Variants in CYP4F3 observed in about 807,000 individuals in gnomAD.
CYP4F3 encodes cytochrome P450 4F3.
A neutral mutation model predicts 54.8 loss-of-function variants in CYP4F3; 50 were observed. That is an observed-to-expected ratio of 0.91 (90% confidence interval 0.73 to 1.16). The LOEUF (loss-of-function observed/expected upper bound fraction) is 1.16, where lower values mean the gene tolerates loss of function less well. Among genes scored for constraint, CYP4F3 ranks in the 50% most tolerant of loss-of-function variants. CYP4F3 has a pLI of 0.00. For missense variants in CYP4F3, 715 were observed against 676.2 expected (o/e 1.06, Z -0.64); for synonymous variants, 244 against 262.6 (o/e 0.93, Z 0.69).
intron 9 of CYP4F3, among the ~76,000 whole-genome samples, chr19:15,655,265 T>C (rs147485253): frequency 2.2e-3 from 336 of 152,358 alleles, no homozygotes; most frequent in African/African-American, 7.1e-3. Context: ...TTATGTATTC[T>C]GGTTATTAAT....
Position 15,659,395 on chromosome 19 carries a change from A to C in CYP4F3, c.*10A>C. Reference sequence around the variant, plus strand: ...GGAGCCCCTGAGCTGAGTTCTGCAGAGACCCACTCTGACCCCACTAAAATG... The same window carrying C: ...GGAGCCCCTGAGCTGAGTTCTGCAGCGACCCACTCTGACCCCACTAAAATG... On this transcript the variant is annotated 3_prime_UTR_variant, in exon 13 of 13. Coordinates refer to ENST00000221307, the MANE Select transcript of CYP4F3 (RefSeq NM_000896.3). 1.2e-6 allele frequency: 2 copies of C among 1,609,432 alleles called. No individual in the cohort carries two copies. The highest frequency in any genetic ancestry group is 8.5e-7 in the Non-Finnish European group (1 of 1,177,614).
intron 9 of CYP4F3, among the ~76,000 whole-genome samples, chr19:15,654,067 AGGCTCAAGCCAG>A (rs1972948782): frequency 6.8e-6 from 1 of 146,800 alleles, no homozygotes; most frequent in East Asian, 2.0e-4. Context: ...GGACATTCTG[AGGCTCAAGCCAG>A]GCCAGGGGCT....
chr19:15,650,854 CTTTCTTTCTTTCTTTT>C (rs1249374608), intron 7 of CYP4F3, among the ~76,000 whole-genome samples: 1 of 40,040 alleles, frequency 2.5e-5, no homozygotes, highest in African/African-American at 9.2e-5. Context: ...TTCTTTCTTT[CTTTCTTTCTTTCTTTT>C]TCTCTCTCTC....
intron 1 of CYP4F3, 89 bp from the exon 2 acceptor site, chr19:15,641,326 C>A: frequency 6.7e-7 from 1 of 1,487,616 alleles, no homozygotes; most frequent in Non-Finnish European, 9.2e-7. Context: ...CCAGCACTGC[C>A]CGTCTCTGCC....
At chr19:15,652,462 A>G in intron 7 of CYP4F3, 107 bp from the exon 8 acceptor site, 7 of 1,547,632 alleles carry the variant, frequency 4.5e-6, no homozygotes, top group Non-Finnish European at 6.2e-6. Context: ...GGGTTTCTCG[A>G]AAGAGGATGA....
intron 7 of CYP4F3, 39 bp downstream of exon 7, chr19:15,650,222 G>A: frequency 1.2e-6 from 2 of 1,614,140 alleles, no homozygotes; most frequent in Non-Finnish European, 1.7e-6. Flanking sequence ...AAGTAGAAGG[G>A]AGCTTCATGT....
chr19:15,641,189 T>C, intron 1 of CYP4F3: 1 of 561,866 alleles, frequency 1.8e-6, no homozygotes, highest in Non-Finnish European at 3.2e-6. Flanking sequence ...AGTTTCTCTG[T>C]CTTTCTCAAT....
intron 9 of CYP4F3, among the ~76,000 whole-genome samples, chr19:15,656,565 C>T (rs1434293186): frequency 6.7e-6 from 1 of 149,368 alleles, no homozygotes; most frequent in Non-Finnish European, 1.5e-5. Context: ...ATCTATCTAT[C>T]ATCTATCAAT....
rs1243554274 is a variant in CYP4F3 at position 15,652,562 on chromosome 19, T to C, written c.919-7T>C. 1.4e-5 allele frequency: 22 copies of C among 1,613,860 alleles called. No individual in the cohort carries two copies. Among genetic ancestry groups the C allele is most frequent in the Non-Finnish European group, 1.6e-5 (19 of 1,179,986 alleles). On this transcript the variant is annotated splice_region_variant and splice_polypyrimidine_tract_variant and intron_variant, in intron 7 of 12. Coordinates refer to ENST00000221307, the MANE Select transcript of CYP4F3 (RefSeq NM_000896.3). ...GTGGGGGTGGGGGGTTATTGCCTTCTCTCCAGGATGAAGATGGGAAGAAGT... is the reference window on the plus strand; with the variant it reads ...GTGGGGGTGGGGGGTTATTGCCTTCCCTCCAGGATGAAGATGGGAAGAAGT...
At position 15,661,100 on chromosome 19, in the gene CYP4F3, T is replaced by G. The variant is rs1217886177; in HGVS notation, c.*1715T>G. On this transcript the variant is annotated 3_prime_UTR_variant, in exon 13 of 13. Transcript: ENST00000221307. ...TGAGAACTTAGGCTCCCCTCTCTAC[T>G]AAAATACAAAAGTTAGCTGGTCATG... The G allele has an allele frequency of 6.6e-6, 1 of 150,902 alleles. No individual in the cohort carries two copies. The highest frequency in any genetic ancestry group is 2.0e-4 in the East Asian group (1 of 5,010). The allele number at this position is 150,902 out of a possible 1,614,324, so 9.3% of individuals were successfully genotyped here.
At position 15,641,590 on chromosome 19, in the gene CYP4F3, T is replaced by G. The variant is rs1287199336; in HGVS notation, c.175T>G (p.Trp59Gly). ...TTTCCCGCAACCCCCGAAACGGAAT[T>G]GGTTCTTGGGTCACCTGGGCCTGGT... Reference protein sequence around the residue: ...RCFPQPPKRNWFLGHLGLIHS... With the variant: ...RCFPQPPKRNGFLGHLGLIHS... The change falls in exon 2 of 13, where the codon TGG becomes GGG. Residue 59 changes from tryptophan (W) to glycine (G), a missense_variant. Coordinates refer to ENST00000221307, the MANE Select transcript of CYP4F3 (RefSeq NM_000896.3). 2 of 1,613,130 alleles carry G rather than the reference T, an allele frequency of 1.2e-6. No homozygotes were observed. Among genetic ancestry groups the G allele is most frequent in the Admixed American group, 3.3e-5 (2 of 59,982 alleles).
intron 2 of CYP4F3, chr19:15,644,098 C>A: frequency 1.4e-6 from 2 of 1,475,150 alleles, no homozygotes; most frequent in East Asian, 2.6e-5. Context: ...GCATTTGAGG[C>A]CTGCAAGTCC....
In CYP4F3 at chr19:15,660,719, A is replaced by ATT. The variant is rs200588031; in HGVS notation, c.*1348_*1349dup. The ATT allele has an allele frequency of 0.14, 20,376 of 143,308 alleles. 1,794 individuals are homozygous for ATT. Among genetic ancestry groups the ATT allele is most frequent in the Middle Eastern group, 0.22 (64 of 286 alleles). The allele number at this position is 143,308 out of a possible 1,614,324, so 8.9% of individuals were successfully genotyped here. A position where few individuals can be genotyped will look rare whatever the true frequency, so the allele number is the denominator to read the frequency against. ...GACAAGACTTTGACAGGGGTGCCTA[A>ATT]TTTTTTTTTTTTTTTGAGATGGAGT... On this transcript the variant is annotated 3_prime_UTR_variant, in exon 13 of 13. Coordinates refer to ENST00000221307, the MANE Select transcript of CYP4F3 (RefSeq NM_000896.3).
At chr19:15,652,531 A>T (rs113293324) in intron 7 of CYP4F3, 38 bp from the exon 8 acceptor site, 1 of 1,325,184 alleles carries the variant, frequency 7.5e-7, no homozygotes, top group South Asian at 1.2e-5. Context: ...GTGACTTTTT[A>T]TGGGGGTGGG....
intron 9 of CYP4F3, among the ~76,000 whole-genome samples, chr19:15,653,429 T>C (rs1972919900): frequency 2.0e-5 from 3 of 152,152 alleles, no homozygotes; most frequent in South Asian, 2.1e-4. Context: ...AATACTCTCA[T>C]ACTGCATTCC....
At chr19:15,645,612 G>A in intron 2 of CYP4F3, 107 bp from the exon 3 acceptor site, 1 of 1,434,796 alleles carries the variant, frequency 7.0e-7, no homozygotes, top group Non-Finnish European at 9.4e-7. Context: ...AGGGAGATGA[G>A]ATGCTGCTTG....
intron 9 of CYP4F3, 151 bp from the exon 10 acceptor site, chr19:15,658,113 C>T: frequency 6.6e-7 from 1 of 1,513,444 alleles, no homozygotes; most frequent in Non-Finnish European, 8.8e-7. Context: ...GCAACAGTGT[C>T]ACACTGTTTT....
At chr19:15,646,365 C>A (rs2280749) in intron 3 of CYP4F3, among the ~76,000 whole-genome samples, 8 of 151,926 alleles carry the variant, frequency 5.3e-5, no homozygotes, top group African/African-American at 9.7e-5. Flanking sequence ...CCCAGGGTCC[C>A]TAAGTGAACT....
At chr19:15,641,762 T>C in intron 2 of CYP4F3, 149 bp downstream of exon 2, 1 of 939,156 alleles carries the variant, frequency 1.1e-6, no homozygotes, top group Non-Finnish European at 1.6e-6. Flanking sequence ...TGCTTACTCA[T>C]TTCTGTGAGG....
Sources: allele counts gnomAD v4.1 joint callset (sites outside exome capture counted in the v4.1 genomes callset), GRCh38; gene constraint gnomAD v4.1.1; transcripts MANE v1.5; gene names NCBI Gene and HGNC (gene_info 2026-07-23, HGNC 2026-07-21).